Variants in CIB4 observed in about 807,000 individuals in gnomAD.
CIB4 encodes the protein calcium and integrin-binding family member 4.
CIB4 carries 25 observed loss-of-function variants against 25.8 expected under a neutral mutation model. The ratio of observed to expected loss-of-function variants is 0.97; its 90% CI spans 0.71 to 1.35. The LOEUF (loss-of-function observed/expected upper bound fraction) is 1.35, where lower values mean the gene tolerates loss of function less well. CIB4 is among the 40% of genes most tolerant of loss of function. The pLI, the probability that CIB4 is intolerant of heterozygous loss-of-function variation, is 0.00. For missense variants in CIB4, 235 were observed against 228.2 expected, an observed-to-expected ratio of 1.03 and a Z score of -0.19; for synonymous variants, 75 against 81.4, an observed-to-expected ratio of 0.92 and a Z score of 0.42.
At chr2:26,612,265 A>G (rs1315097021) in intron 3 of CIB4, among the ~76,000 whole-genome samples, 1 of 152,206 alleles carries the variant, frequency 6.6e-6, no homozygotes, top group Admixed American at 6.5e-5. Context: ...CAGGAATCCT[A>G]TTCAGCTCAG....
intron 3 of CIB4, among the ~76,000 whole-genome samples, chr2:26,625,281 A>G: frequency 6.6e-6 from 1 of 151,680 alleles, no homozygotes; most frequent in East Asian, 1.9e-4. Context: ...TTGTGGAGAA[A>G]CCTGCATGTG....
At chr2:26,630,971 C>T (rs376861567) in intron 2 of CIB4, among the ~76,000 whole-genome samples, 13 of 152,244 alleles carry the variant, frequency 8.5e-5, no homozygotes, top group African/African-American at 3.1e-4. Flanking sequence ...TTCATGGTCC[C>T]CTCCATGCTC....
intron 3 of CIB4, among the ~76,000 whole-genome samples, chr2:26,621,547 T>C (rs1265922887): frequency 1.3e-5 from 2 of 151,934 alleles, no homozygotes; most frequent in African/African-American, 2.4e-5. Context: ...AAAAAATAAA[T>C]AAATAGGTAA....
chr2:26,637,746 T>G (rs1451629872), intron 2 of CIB4, among the ~76,000 whole-genome samples: 2 of 152,174 alleles, frequency 1.3e-5, no homozygotes, highest in Non-Finnish European at 2.9e-5. Flanking sequence ...CCTCTTCCAC[T>G]CTTCAAAGCT....
intron 5 of CIB4, 37 bp downstream of exon 5, chr2:26,583,752 C>T (rs752062596): frequency 3.9e-5 from 55 of 1,405,790 alleles, no homozygotes; most frequent in South Asian, 8.1e-5. Flanking sequence ...CCCCTATCCC[C>T]GGCCCCAGCC....
At chr2:26,612,701 G>C (rs939991400) in intron 3 of CIB4, among the ~76,000 whole-genome samples, 1 of 152,178 alleles carries the variant, frequency 6.6e-6, no homozygotes. Context: ...GGCCAAGCGA[G>C]GCACTGCATA....
At chr2:26,589,009 T>C (rs899298379) in intron 4 of CIB4, among the ~76,000 whole-genome samples, 2,819 of 23,172 alleles carry the variant, frequency 0.12, 297 homozygotes, top group African/African-American at 0.26. Flanking sequence ...CTTCTTCTTC[T>C]TCTTCTTCTT....
rs1668529034 is a variant in CIB4, at chr2:26,589,096, T to TCTTCC, written c.329-5199_329-5198insGGAAG. Among the ~76,000 whole-genome samples the TCTTCC allele has an allele frequency of 4.1e-4, 25 of 61,148 alleles. 1 individual carries two copies. Among genetic ancestry groups the TCTTCC allele is most frequent in the Non-Finnish European group, 6.4e-4 (20 of 31,364 alleles). 40.1% of individuals were successfully genotyped at this position (61,148 alleles called of 152,430 possible). On this transcript the variant is annotated intron_variant, in intron 4 of 6. Transcript: ENST00000288861. ...CCTCTTCTTCTTCTTCTTCTTCTTC[T>TCTTCC]TCTTCTTCTTCCTCTTCTTCTTCTT... is the stretch of plus-strand genomic sequence containing the variant.
intron 3 of CIB4, among the ~76,000 whole-genome samples, chr2:26,617,093 A>C (rs535215801): frequency 2.0e-4 from 29 of 148,456 alleles, no homozygotes; most frequent in Non-Finnish European, 3.1e-4. Context: ...TGGTTTGTCA[A>C]GAACTTACCC....
intron 2 of CIB4, among the ~76,000 whole-genome samples, chr2:26,632,005 A>G (rs932415880): frequency 6.6e-6 from 1 of 152,090 alleles, no homozygotes; most frequent in Non-Finnish European, 1.5e-5. Flanking sequence ...ACCTTCAAAG[A>G]TCCTGCTGAG....
At chr2:26,604,974 A>G in intron 3 of CIB4, among the ~76,000 whole-genome samples, 1 of 152,270 alleles carries the variant, frequency 6.6e-6, no homozygotes, top group South Asian at 2.1e-4. Context: ...CAGAATATAC[A>G]TTTTTTTCCA....
At chr2:26,600,566 T>G (rs561913099) in intron 3 of CIB4, among the ~76,000 whole-genome samples, 1 of 152,158 alleles carries the variant, frequency 6.6e-6, no homozygotes, top group African/African-American at 2.4e-5. Flanking sequence ...CAGTCTTGAG[T>G]GGAGTCCTCA....
intron 3 of CIB4, among the ~76,000 whole-genome samples, chr2:26,620,743 T>C (rs950407762): frequency 1.2e-4 from 19 of 152,106 alleles, no homozygotes; most frequent in Admixed American, 5.9e-4. Flanking sequence ...TCATGAGCCC[T>C]TGATGACCAG....
chr2:26,617,544 C>T (rs528772383), intron 3 of CIB4, among the ~76,000 whole-genome samples: 1 of 152,122 alleles, frequency 6.6e-6, no homozygotes, highest in Non-Finnish European at 1.5e-5. Flanking sequence ...GTGCTTGCAA[C>T]CATGAAGCGG....
rs185364303 is a variant in CIB4, at chr2:26,627,370, G to A, written c.186+2040C>T. 1.3e-5 allele frequency among the ~76,000 whole-genome samples: 2 copies of A among 152,342 alleles called. No individual in the cohort carries two copies. Among genetic ancestry groups the A allele is most frequent in the East Asian group, 3.9e-4 (2 of 5,186 alleles). On this transcript the variant is annotated intron_variant, in intron 3 of 6. Transcript: ENST00000288861. The surrounding 1 kb of genome is among the most constrained non-coding windows in gnomAD (Gnocchi z 4.0). Reference sequence around the variant, plus strand: ...TTCCCCATTAATAAAATCAGGGTGAGGAGCATTTGACAGTGACTAGACTGG... The same window carrying A: ...TTCCCCATTAATAAAATCAGGGTGAAGAGCATTTGACAGTGACTAGACTGG...
At chr2:26,615,297 C>G (rs1669071154) in intron 3 of CIB4, among the ~76,000 whole-genome samples, 1 of 152,190 alleles carries the variant, frequency 6.6e-6, no homozygotes, top group African/African-American at 2.4e-5. Flanking sequence ...AGGAGTCGAA[C>G]AAACTGCAGC....
At chr2:26,623,756 G>A (rs965931258) in intron 3 of CIB4, 8 of 315,564 alleles carry the variant, frequency 2.5e-5, no homozygotes, top group South Asian at 8.3e-5. Context: ...AGGTGGCCCC[G>A]CCAGTGTGCA....
At chr2:26,591,636 A>AGT (rs1186389046) in intron 4 of CIB4, among the ~76,000 whole-genome samples, 2 of 152,302 alleles carry the variant, frequency 1.3e-5, no homozygotes, top group East Asian at 3.9e-4. Flanking sequence ...AACCCCCTTG[A>AGT]GTGTGGGTGG....
In CIB4 at chr2:26,581,366, G is replaced by A. The variant is rs1486867740; in HGVS notation, c.555C>T (p.Cys185=). 3.1e-6 allele frequency: 5 copies of A among 1,613,596 alleles called. No homozygotes were observed. The South Asian group carries it at 4.4e-5, about 14-fold the overall frequency. ...ATGTCAGGTGTTTGCCGCTACATCA[G>A]CATCCCCAGAAGTGAATCCGAAAGG... ...MNSFRIHFWG[C] Residue 185 remains cysteine, a synonymous_variant, in exon 7 of 7, where the codon TGC becomes TGT. Transcript: ENST00000288861.
Sources: gnomAD v4.1 joint callset for allele counts (sites outside exome capture counted in the v4.1 genomes callset) on GRCh38, gnomAD v4.1.1 for gene constraint, Gnocchi (gnomAD v3.1) non-coding constraint, MANE v1.5 for transcripts, NCBI Gene and HGNC (gene_info 2026-07-23, HGNC 2026-07-21) for gene names.